Variants in OSMR observed in about 807,000 individuals in gnomAD.
OSMR encodes the protein oncostatin-M-specific receptor subunit beta.
Under a neutral mutation model 99.9 loss-of-function variants are expected in OSMR, and 81 were observed. The observed-to-expected ratio is 0.81, with a 90% CI of 0.68 to 0.97. OSMR has a LOEUF of 0.97. OSMR is among the 50% of genes least tolerant of loss of function. OSMR has a pLI of 0.00. For synonymous variants in OSMR, 406 were observed against 410.4 expected, an observed-to-expected ratio of 0.99 and a Z score of 0.13; for missense variants, 1,099 against 1,153.4, an observed-to-expected ratio of 0.95 and a Z score of 0.68.
At chr5:38,915,032 A>G (rs1437973207) in intron 9 of OSMR, among the ~76,000 whole-genome samples, 1 of 152,202 alleles carries the variant, frequency 6.6e-6, no homozygotes, top group African/African-American at 2.4e-5. Flanking sequence ...AAAGTATTTC[A>G]AAGGAAAGTA....
chr5:38,861,712 C>T (rs1246127754), intron 1 of OSMR, among the ~76,000 whole-genome samples: 2 of 151,294 alleles, frequency 1.3e-5, no homozygotes, highest in Admixed American at 1.3e-4. Context: ...AGGCGCCCCT[C>T]ACCTCGCGGA....
At position 38,932,909 on chromosome 5, in the gene OSMR, G is replaced by C; in HGVS notation, c.2405G>C (p.Cys802Ser). Reference protein sequence around the residue: ...PHLIIMNVSDCIPDAIEVVSK... With the variant: ...PHLIIMNVSDSIPDAIEVVSK... ...CTAATAATAATGAATGTCAGTGACTGTATCCCAGATGCTATTGAAGTTGTA... is the reference window on the plus strand; with the variant it reads ...CTAATAATAATGAATGTCAGTGACTCTATCCCAGATGCTATTGAAGTTGTA... Residue 802 changes from cysteine (C) to serine (S), a missense_variant, in exon 18 of 18, where the codon TGT (cysteine) becomes TCT (serine). Transcript: ENST00000274276. The C allele has an allele frequency of 6.2e-7, 1 of 1,613,988 alleles. No homozygotes were observed. Among genetic ancestry groups the C allele is most frequent in the Non-Finnish European group, 8.5e-7 (1 of 1,179,892 alleles).
At chr5:38,909,179 C>G (rs960751697) in intron 9 of OSMR, among the ~76,000 whole-genome samples, 2 of 152,042 alleles carry the variant, frequency 1.3e-5, no homozygotes, top group Non-Finnish European at 2.9e-5. Flanking sequence ...CAATATAACT[C>G]AGTCAGACAA....
intron 7 of OSMR, among the ~76,000 whole-genome samples, chr5:38,895,199 A>T (rs1744427976): frequency 1.3e-5 from 2 of 152,204 alleles, no homozygotes; most frequent in East Asian, 3.9e-4. Context: ...CTAGAAAAAC[A>T]AGAACAAACT....
chr5:38,917,660 A>G, intron 10 of OSMR, 38 bp downstream of exon 10: 1 of 1,540,124 alleles, frequency 6.5e-7, no homozygotes, highest in Non-Finnish European at 9.0e-7. Flanking sequence ...ATTGTTTCCA[A>G]AAGTCACATT....
At chr5:38,849,015 C>A (rs1161614597) in intron 1 of OSMR, among the ~76,000 whole-genome samples, 1 of 152,060 alleles carries the variant, frequency 6.6e-6, no homozygotes, top group Non-Finnish European at 1.5e-5. Flanking sequence ...TGGGTTCAAG[C>A]AGTCCACCTG....
intron 15 of OSMR, among the ~76,000 whole-genome samples, chr5:38,928,007 C>T (rs931630515): frequency 6.6e-5 from 10 of 152,200 alleles, no homozygotes; most frequent in African/African-American, 2.4e-4. Flanking sequence ...ACAAGAGTCA[C>T]CTTTGCTCCA....
intron 7 of OSMR, among the ~76,000 whole-genome samples, chr5:38,896,184 G>A (rs536734599): frequency 6.6e-6 from 1 of 152,124 alleles, no homozygotes; most frequent in South Asian, 2.1e-4. Flanking sequence ...TTTTTGTAAG[G>A]AATGTCTTTG....
At position 38,886,158 on chromosome 5, in the gene OSMR, G is replaced by C. The variant is rs1743745088; in HGVS notation, c.959G>C (p.Ser320Thr). Residue 320 changes from serine to threonine, a missense_variant, in exon 7 of 18, where the codon AGT (serine) becomes ACT (threonine). Physicochemically the swap from Ser to Thr is moderately conservative, Grantham distance 58. Coordinates refer to ENST00000274276, the MANE Select transcript of OSMR (RefSeq NM_003999.3). Reference sequence around the variant, plus strand: ...GCTGAAAATTACTTAAGGAAGAGAAGTGTCAATATCCTTTTTAACCTGACT... The same window carrying C: ...GCTGAAAATTACTTAAGGAAGAGAACTGTCAATATCCTTTTTAACCTGACT... ...LIAENYLRKR[S>T]VNILFNLTHR... 6.2e-7 allele frequency: 1 copy of C among 1,613,932 alleles called. No individual in the cohort carries two copies. The highest frequency in any genetic ancestry group is 8.5e-7 in the Non-Finnish European group (1 of 1,179,924).
intron 5 of OSMR, 110 bp downstream of exon 5, chr5:38,884,221 T>G: frequency 1.0e-6 from 1 of 961,424 alleles, no homozygotes; most frequent in Non-Finnish European, 1.7e-6. Flanking sequence ...TTGATTTTCT[T>G]TTGTTTCCCA....
downstream of OSMR, chr5:38,945,528 C>G (rs1205204797): frequency 6.2e-7 from 1 of 1,613,950 alleles, no homozygotes; most frequent in South Asian, 1.1e-5. Context: ...GGTTGCTGGG[C>G]TGGAAACCCA....
intron 1 of OSMR, among the ~76,000 whole-genome samples, chr5:38,852,762 A>C (rs1740508851): frequency 3.0e-5 from 3 of 98,826 alleles, no homozygotes; most frequent in African/African-American, 8.4e-5. Context: ...ACGGAGTCTC[A>C]CTCTTTCGCC....
chr5:38,916,619 A>T (rs1407948602), intron 9 of OSMR, among the ~76,000 whole-genome samples: 2 of 152,212 alleles, frequency 1.3e-5, no homozygotes, highest in Non-Finnish European at 2.9e-5. Context: ...TTTAATACAT[A>T]GGTACCCAGA....
chr5:38,886,491 A>G lies in OSMR; in HGVS notation c.991+301A>G, dbSNP rs550049623. The G allele has an allele frequency of 1.5e-4, 61 of 401,926 alleles. No homozygotes were observed. The South Asian group carries it at 3.3e-3, about 22-fold the overall frequency. 24.9% of individuals were successfully genotyped at this position (401,926 alleles called of 1,614,324 possible). On this transcript the variant is annotated intron_variant, in intron 7 of 17. Coordinates refer to ENST00000274276, the MANE Select transcript of OSMR (RefSeq NM_003999.3). ...CGCCCCCACCTTCGCTCCTTCCGCC[A>G]AGATAATTATCACTTTAAATTGTGT...
chr5:38,912,780 C>T (rs1745667350), intron 9 of OSMR, among the ~76,000 whole-genome samples: 1 of 152,112 alleles, frequency 6.6e-6, no homozygotes, highest in African/African-American at 2.4e-5. Flanking sequence ...TACACACCTA[C>T]AGCCATCTGA....
intron 3 of OSMR, among the ~76,000 whole-genome samples, chr5:38,877,035 C>G (rs1354067401): frequency 6.6e-6 from 1 of 152,212 alleles, no homozygotes; most frequent in Non-Finnish European, 1.5e-5. Flanking sequence ...GTGTCCCCAT[C>G]TAGTGCACTA....
At chr5:38,884,914 G>A (rs896429384) in intron 5 of OSMR, among the ~76,000 whole-genome samples, 3 of 152,096 alleles carry the variant, frequency 2.0e-5, no homozygotes, top group Non-Finnish European at 4.4e-5. Context: ...CAGCAGTAAC[G>A]CTGGGGATTT....
At chr5:38,888,593 A>G (rs76972935) in intron 7 of OSMR, among the ~76,000 whole-genome samples, 1,667 of 152,320 alleles carry the variant, frequency 0.011, 30 homozygotes, top group African/African-American at 0.038. Context: ...CATTGTTAGC[A>G]TATATCCTTC....
intron 15 of OSMR, among the ~76,000 whole-genome samples, chr5:38,927,034 G>A (rs773113599): frequency 1.2e-4 from 18 of 152,222 alleles, no homozygotes; most frequent in African/African-American, 2.4e-4. Flanking sequence ...AAACCTTAAA[G>A]TTCCAAAATG....
Sources: allele counts gnomAD v4.1 joint callset (sites outside exome capture counted in the v4.1 genomes callset), GRCh38; gene constraint gnomAD v4.1.1; transcripts MANE v1.5; gene names NCBI Gene and HGNC (gene_info 2026-07-23, HGNC 2026-07-21).